Variants in UBE2R2 observed in about 807,000 individuals in gnomAD.
UBE2R2 encodes ubiquitin conjugating enzyme E2 R2.
UBE2R2 carries 1 observed loss-of-function variant against 27.8 expected under a neutral mutation model. That is an observed-to-expected ratio of 0.04 (90% CI 0.01 to 0.17). UBE2R2 has a LOEUF of 0.17. Ranked by LOEUF, UBE2R2 falls within the 10% of genes least tolerant of loss-of-function variation. UBE2R2 has a pLI of 1.00. For missense variants in UBE2R2, 100 were observed against 291.0 expected (o/e 0.34, Z 4.78); for synonymous variants, 106 against 113.3 (o/e 0.94, Z 0.41).
intron 4 of UBE2R2, among the ~76,000 whole-genome samples, chr9:33,912,780 T>C (rs1262774990): frequency 6.6e-6 from 1 of 152,152 alleles, no homozygotes; most frequent in African/African-American, 2.4e-5. Context: ...AATCTACTCA[T>C]GGGACCATTT....
intron 1 of UBE2R2, among the ~76,000 whole-genome samples, chr9:33,884,793 A>G (rs1304414903): frequency 2.6e-5 from 4 of 151,668 alleles, no homozygotes; most frequent in African/African-American, 9.7e-5. Flanking sequence ...TGTTGTATGG[A>G]CCATACTTTG....
chr9:33,822,402 T>TACATTAAAG, intron 1 of UBE2R2, among the ~76,000 whole-genome samples: 1 of 149,792 alleles, frequency 6.7e-6, no homozygotes, highest in Non-Finnish European at 1.5e-5. Flanking sequence ...TACACTGACT[T>TACATTAAAG]ACATTAAAGA....
intron 3 of UBE2R2, 128 bp downstream of exon 3, chr9:33,900,399 TTAGC>T (rs1212670024): frequency 3.3e-6 from 2 of 612,276 alleles, no homozygotes; most frequent in South Asian, 2.0e-5. Context: ...TTCTTTGTCT[TTAGC>T]TAGAGCTTTA....
In UBE2R2 at chr9:33,880,895, C is replaced by T. The variant is rs1587465897; in HGVS notation, c.178-5986C>T. Among the ~76,000 whole-genome samples, 4 of 152,262 alleles carry T rather than the reference C, an allele frequency of 2.6e-5. No individual in the cohort carries two copies. In the South Asian group the frequency reaches 8.3e-4, roughly 32 times the overall value. ...TGGAACAGTTTCATCCCGAAACACC[C>T]ACCTCACTACCCTTCCCACTCCTCC... is the stretch of plus-strand genomic sequence containing the variant. On this transcript the variant is annotated intron_variant, in intron 1 of 4. Transcript: ENST00000263228.
At chr9:33,850,424 G>A (rs1381930598) in intron 1 of UBE2R2, among the ~76,000 whole-genome samples, 1 of 152,070 alleles carries the variant, frequency 6.6e-6, no homozygotes, top group Admixed American at 6.6e-5. Flanking sequence ...TCAGTCACCT[G>A]TAACCATTCT....
intron 1 of UBE2R2, among the ~76,000 whole-genome samples, chr9:33,835,975 T>C (rs1820605635): frequency 6.6e-6 from 1 of 152,140 alleles, no homozygotes; most frequent in African/African-American, 2.4e-5. Flanking sequence ...CTAAGTGTTG[T>C]TTCAAAGGTC....
At chr9:33,890,079 G>A (rs903636152) in intron 2 of UBE2R2, among the ~76,000 whole-genome samples, 1 of 152,026 alleles carries the variant, frequency 6.6e-6, no homozygotes, top group African/African-American at 2.4e-5. Flanking sequence ...TAGGATAAAG[G>A]AGTCAAAGCT....
chr9:33,845,051 G>C (rs1021866026), intron 1 of UBE2R2, among the ~76,000 whole-genome samples: 2 of 152,094 alleles, frequency 1.3e-5, no homozygotes, highest in African/African-American at 4.8e-5. Flanking sequence ...TTATAGGTGT[G>C]AGCCACCAAG....
chr9:33,852,690 T>C (rs1041336997), intron 1 of UBE2R2, among the ~76,000 whole-genome samples: 2 of 152,064 alleles, frequency 1.3e-5, no homozygotes, highest in Admixed American at 6.6e-5. Context: ...TACTGTTCTA[T>C]TGATGATTTT....
intron 4 of UBE2R2, among the ~76,000 whole-genome samples, chr9:33,912,680 A>G (rs1293105646): frequency 6.6e-6 from 1 of 152,058 alleles, no homozygotes; most frequent in African/African-American, 2.4e-5. Context: ...ATTCCTGACC[A>G]TAGCAGCAAG....
At chr9:33,873,758 G>C (rs1821539400) in intron 1 of UBE2R2, among the ~76,000 whole-genome samples, 1 of 151,982 alleles carries the variant, frequency 6.6e-6, no homozygotes, top group South Asian at 2.1e-4. Context: ...ACTGCCACCT[G>C]AGCATCCTGA....
At chr9:33,895,876 G>A (rs1464740718) in intron 2 of UBE2R2, among the ~76,000 whole-genome samples, 2 of 147,414 alleles carry the variant, frequency 1.4e-5, no homozygotes, top group Non-Finnish European at 3.0e-5. Context: ...GGGTTCAAGC[G>A]ATTCTCCTGC....
intron 1 of UBE2R2, among the ~76,000 whole-genome samples, chr9:33,864,104 G>A (rs747797949): frequency 1.8e-4 from 27 of 152,146 alleles, no homozygotes; most frequent in Non-Finnish European, 2.5e-4. Context: ...TGGGATTACA[G>A]GTAGGAGCCA....
intron 1 of UBE2R2, among the ~76,000 whole-genome samples, chr9:33,880,821 A>G (rs1014326089): frequency 6.6e-6 from 1 of 152,162 alleles, no homozygotes; most frequent in Non-Finnish European, 1.5e-5. Flanking sequence ...TGAGGGATCT[A>G]GGTTGAGTGT....
At chr9:33,843,771 A>T (rs182791966) in intron 1 of UBE2R2, among the ~76,000 whole-genome samples, 68 of 152,292 alleles carry the variant, frequency 4.5e-4, no homozygotes, top group Non-Finnish European at 6.9e-4. Flanking sequence ...CACTGCGCCC[A>T]GCCTACTTCT....
intron 2 of UBE2R2, among the ~76,000 whole-genome samples, chr9:33,897,490 G>A (rs527995336): frequency 1.7e-4 from 26 of 150,404 alleles, no homozygotes; most frequent in Non-Finnish European, 3.1e-4. Context: ...GCTAATTTTT[G>A]TATTTTTAGT....
At chr9:33,916,270 G>A (rs572782052) in intron 4 of UBE2R2, among the ~76,000 whole-genome samples, 1 of 152,292 alleles carries the variant, frequency 6.6e-6, no homozygotes, top group South Asian at 2.1e-4. Flanking sequence ...GAACCTGGGA[G>A]ATGGAGGTTG....
chr9:33,822,847 G>T (rs759157635), intron 1 of UBE2R2, among the ~76,000 whole-genome samples: 15 of 150,812 alleles, frequency 9.9e-5, no homozygotes, highest in Admixed American at 3.3e-4. Context: ...ACTTAGCCTA[G>T]ATCTGGCAAT....
In UBE2R2 at chr9:33,817,981, C is replaced by T. The variant is rs541896698; in HGVS notation, c.177+47C>T. On this transcript the variant is annotated intron_variant, in intron 1 of 4. Transcript: ENST00000263228. ...ACCCTGCTTCCGCGGCCGAGGCCTCCGGCTCCCCGCCGCTTTCTGCAGTTC... is the reference window on the plus strand; with the variant it reads ...ACCCTGCTTCCGCGGCCGAGGCCTCTGGCTCCCCGCCGCTTTCTGCAGTTC... 1.3e-4 allele frequency: 209 copies of T among 1,559,468 alleles called. 1 individual carries two copies. In the South Asian group the frequency reaches 2.3e-3, roughly 17 times the overall value.
Sources: allele counts gnomAD v4.1 joint callset (sites outside exome capture counted in the v4.1 genomes callset), GRCh38; gene constraint gnomAD v4.1.1; transcripts MANE v1.5; gene names NCBI Gene and HGNC (gene_info 2026-07-23, HGNC 2026-07-21).